Variants in IFT43 observed in about 807,000 individuals in gnomAD.
The protein encoded by IFT43 is intraflagellar transport protein 43 homolog.
A neutral mutation model predicts 32.3 loss-of-function variants in IFT43; 33 were observed. That is an observed-to-expected ratio of 1.02 (90% confidence interval 0.77 to 1.37). The LOEUF (loss-of-function observed/expected upper bound fraction) is 1.37, where lower values mean the gene tolerates loss of function less well. Ranked by LOEUF, IFT43 falls within the 40% of genes most tolerant of loss-of-function variation. The pLI, the probability that IFT43 is intolerant of heterozygous loss-of-function variation, is 0.00. For synonymous variants in IFT43, 93 were observed against 98.2 expected, an observed-to-expected ratio of 0.95 and a Z score of 0.31; for missense variants, 274 against 265.9, an observed-to-expected ratio of 1.03 and a Z score of -0.21.
intron 2 of IFT43, among the ~76,000 whole-genome samples, chr14:76,005,858 A>T (rs1461397304): frequency 6.6e-6 from 1 of 151,952 alleles, no homozygotes; most frequent in Middle Eastern, 3.2e-3. Context: ...GTGGTTTTAT[A>T]TGTTTTGTCC....
intron 5 of IFT43, among the ~76,000 whole-genome samples, chr14:76,064,019 A>G (rs904519824): frequency 6.6e-6 from 1 of 152,166 alleles, no homozygotes; most frequent in African/African-American, 2.4e-5. Flanking sequence ...CATTCCGGGC[A>G]GGGGATGGGG....
chr14:76,055,913 A>G (rs2037004548), intron 3 of IFT43, among the ~76,000 whole-genome samples: 1 of 152,176 alleles, frequency 6.6e-6, no homozygotes, highest in South Asian at 2.1e-4. Flanking sequence ...ATTCAGGACT[A>G]GTTCTGGACC....
rs113257913 is a variant in IFT43, at chr14:75,998,868, A to C, written c.147+9891A>C. On this transcript the variant is annotated intron_variant, in intron 2 of 8. Transcript: ENST00000314067. ...CCCCCTCGGCCTGCCGAGTAACTGG[A>C]ACTATAGGCATGCACCACCACGCCA... 3.7e-3 allele frequency among the ~76,000 whole-genome samples: 565 copies of C among 152,232 alleles called. 1 individual carries two copies. Among genetic ancestry groups the C allele is most frequent in the Non-Finnish European group, 4.9e-3 (335 of 68,000 alleles).
At chr14:75,990,744 T>C (rs1229525516) in intron 2 of IFT43, among the ~76,000 whole-genome samples, 1 of 152,144 alleles carries the variant, frequency 6.6e-6, no homozygotes, top group Non-Finnish European at 1.5e-5. Flanking sequence ...TCAGGGAGCT[T>C]GAACTGCAGT....
chr14:76,067,760 G>T (rs1445948435), intron 5 of IFT43, among the ~76,000 whole-genome samples: 1 of 152,194 alleles, frequency 6.6e-6, no homozygotes, highest in Non-Finnish European at 1.5e-5. Context: ...AAGCCAGGCA[G>T]ATGACGTAAA....
intron 2 of IFT43, among the ~76,000 whole-genome samples, chr14:75,995,852 T>C (rs931363977): frequency 6.6e-6 from 1 of 152,234 alleles, no homozygotes; most frequent in Non-Finnish European, 1.5e-5. Context: ...GAATGTGTTT[T>C]CCACACTTCA....
At chr14:76,075,452 C>T (rs1028415857) in intron 5 of IFT43, among the ~76,000 whole-genome samples, 2 of 152,214 alleles carry the variant, frequency 1.3e-5, no homozygotes, top group East Asian at 1.9e-4. Context: ...CCTGTTGCCT[C>T]CTGCTTTCCC....
At chr14:75,993,530 A>C (rs74066689) in intron 2 of IFT43, among the ~76,000 whole-genome samples, 28 of 152,310 alleles carry the variant, frequency 1.8e-4, no homozygotes, top group Admixed American at 3.9e-4. Flanking sequence ...CTTTTAGGAT[A>C]GATTAATTTT....
At chr14:76,062,175 A>G (rs2037148537) in intron 5 of IFT43, among the ~76,000 whole-genome samples, 1 of 150,906 alleles carries the variant, frequency 6.6e-6, no homozygotes, top group Admixed American at 6.6e-5. Flanking sequence ...GGTTCATGCC[A>G]TTCTCCTGCC....
intron 2 of IFT43, among the ~76,000 whole-genome samples, chr14:75,998,895 G>A (rs1164246844): frequency 2.0e-5 from 3 of 152,132 alleles, no homozygotes; most frequent in African/African-American, 7.2e-5. Flanking sequence ...ACCACGCCAA[G>A]CTAATTTATT....
chr14:76,029,851 T>TTTTATTTTA (rs150115612), intron 3 of IFT43, among the ~76,000 whole-genome samples: 14 of 117,474 alleles, frequency 1.2e-4, no homozygotes, highest in African/African-American at 4.0e-4. Context: ...TTTATTTTTA[T>TTTTATTTTA]TTTTATTTTA....
intron 3 of IFT43, among the ~76,000 whole-genome samples, chr14:76,027,680 GC>G (rs745334938): frequency 3.1e-4 from 45 of 144,492 alleles, no homozygotes; most frequent in Non-Finnish European, 5.1e-4. Flanking sequence ...CTGCGCTCCA[GC>G]CTGGGCAACA....
intron 5 of IFT43, among the ~76,000 whole-genome samples, chr14:76,082,019 G>A (rs530349836): frequency 2.0e-5 from 3 of 152,160 alleles, no homozygotes; most frequent in East Asian, 1.9e-4. Context: ...CCTGTTGCAC[G>A]CGTCAGAATC....
At chr14:76,073,101 A>G (rs2037350111) in intron 5 of IFT43, among the ~76,000 whole-genome samples, 1 of 152,082 alleles carries the variant, frequency 6.6e-6, no homozygotes. Context: ...TTCCAGTGAC[A>G]GGGACTATAC....
intron 4 of IFT43, chr14:76,059,048 T>C: frequency 7.0e-7 from 1 of 1,424,204 alleles, no homozygotes; most frequent in East Asian, 2.6e-5. Context: ...AAAGGTGCTG[T>C]GAAGGTAGGG....
At chr14:76,025,167 T>C (rs1258422056) in intron 3 of IFT43, among the ~76,000 whole-genome samples, 2 of 152,248 alleles carry the variant, frequency 1.3e-5, no homozygotes, top group East Asian at 3.8e-4. Context: ...TCTCAAAGAA[T>C]AGTCATTATT....
rs773404961 is a variant in IFT43, at chr14:75,985,835, A to C, written c.49A>C (p.Thr17Pro). ...LDEELRYSLA[T>P]SRAKMGRRAQ... The stretch of plus-strand genomic sequence containing the variant: ...CGAGGAGCTTCGCTACAGCTTGGCT[A>C]CCTCCGTGAGGACCAATTCGGGGGC... Residue 17 changes from threonine to proline, a missense_variant, in exon 1 of 9, where the codon ACC becomes CCC. By Grantham distance (38) the Thr-to-Pro change is conservative (BLOSUM62 -1). Transcript: ENST00000314067. 1.9e-6 allele frequency: 3 copies of C among 1,614,008 alleles called. No individual in the cohort carries two copies. The highest frequency in any genetic ancestry group is 2.2e-5 in the South Asian group (2 of 91,056).
rs10132826 is a variant in IFT43 at position 76,077,425 on chromosome 14, C to T, written c.296-4870C>T. Among the ~76,000 whole-genome samples the T allele has an allele frequency of 3.3e-3, 498 of 152,288 alleles. 1 individual carries two copies. Among genetic ancestry groups the T allele is most frequent in the African/African-American group, 0.011 (472 of 41,548 alleles). ...ATGGCTCTTCTGTGTGTGTCACTTC[C>T]TGACCTGAGGAGCATCTGTTGAATG... On this transcript the variant is annotated intron_variant, in intron 5 of 8. Transcript: ENST00000314067.
intron 3 of IFT43, among the ~76,000 whole-genome samples, chr14:76,031,680 A>C (rs2036512085): frequency 6.6e-6 from 1 of 152,250 alleles, no homozygotes. Context: ...TTCATTCCTC[A>C]GTGAAAATAT....
Sources: allele counts gnomAD v4.1 joint callset (sites outside exome capture counted in the v4.1 genomes callset), GRCh38; gene constraint gnomAD v4.1.1; transcripts MANE v1.5; gene names NCBI Gene and HGNC (gene_info 2026-07-23, HGNC 2026-07-21).